DCLK2: variants seen among roughly 807,000 people sequenced by gnomAD.
DCLK2 encodes the protein doublecortin like kinase 2.
Under a neutral mutation model 78.4 loss-of-function variants are expected in DCLK2, and 31 were observed. The observed-to-expected ratio is 0.40, with a 90% CI of 0.30 to 0.53. The LOEUF is 0.53. DCLK2 is among the 20% of genes least tolerant of loss of function. The pLI is 0.61. For missense variants in DCLK2, 872 were observed against 973.7 expected (o/e 0.90, Z 1.39); for synonymous variants, 407 against 374.9 (o/e 1.09, Z -0.99).
chr4:150,174,042 T>G (rs1736749480), intron 2 of DCLK2, among the ~76,000 whole-genome samples: 1 of 152,154 alleles, frequency 6.6e-6, no homozygotes, highest in African/African-American at 2.4e-5. Context: ...TTGCTAACAG[T>G]AGCAGTCCTC....
At chr4:150,138,004 T>G (rs1733817682) in intron 2 of DCLK2, among the ~76,000 whole-genome samples, 1 of 152,198 alleles carries the variant, frequency 6.6e-6, no homozygotes, top group Admixed American at 6.5e-5. Flanking sequence ...ATAGAGAAAT[T>G]AGGTACTGTA....
intron 15 of DCLK2, among the ~76,000 whole-genome samples, chr4:150,252,706 T>A (rs1263968974): frequency 6.6e-6 from 1 of 152,220 alleles, no homozygotes; most frequent in Non-Finnish European, 1.5e-5. Flanking sequence ...GGTGTTTGTG[T>A]GAACAAACAA....
chr4:150,249,756 G>C, intron 15 of DCLK2, 72 bp downstream of exon 15: 1 of 1,253,298 alleles, frequency 8.0e-7, no homozygotes, highest in South Asian at 1.2e-5. Flanking sequence ...GTAGCCGGGA[G>C]CTGCCCTCAC....
At chr4:150,225,625 G>A (rs1741542737) in intron 8 of DCLK2, among the ~76,000 whole-genome samples, 2 of 152,104 alleles carry the variant, frequency 1.3e-5, no homozygotes, top group African/African-American at 4.8e-5. Context: ...AGATTTTGAA[G>A]ACTTAGTACT....
intron 2 of DCLK2, among the ~76,000 whole-genome samples, chr4:150,168,052 C>A (rs1277375979): frequency 2.0e-5 from 3 of 152,160 alleles, no homozygotes; most frequent in African/African-American, 7.2e-5. Flanking sequence ...ACGTGTAAAA[C>A]CCCAAGTCAG....
Position 150,079,338 on chromosome 4 carries a change from TAG to T in DCLK2, c.314_315del (p.Glu105AlafsTer37). 1.3e-6 allele frequency: 2 copies of T among 1,588,770 alleles called. No individual in the cohort carries two copies. Among genetic ancestry groups the T allele is most frequent in the Non-Finnish European group, 1.7e-6 (2 of 1,167,638 alleles). On this transcript the variant is annotated frameshift_variant, in exon 1 of 16. Coordinates refer to ENST00000296550, the MANE Select transcript of DCLK2 (RefSeq NM_001040260.4). LOFTEE classifies it high-confidence loss of function. ...TTCCGGTCCTTCGATGCGCTCCTCA[TAG>T]AGCTCACCCGCTCCCTGTCGGACAA...
chr4:150,121,050 A>C (rs539027359), intron 2 of DCLK2, among the ~76,000 whole-genome samples: 1 of 152,114 alleles, frequency 6.6e-6, no homozygotes, highest in African/African-American at 2.4e-5. Context: ...CAGCCTGGGC[A>C]ACAAGAGTGA....
intron 2 of DCLK2, among the ~76,000 whole-genome samples, chr4:150,136,943 A>G (rs1328196599): frequency 1.3e-5 from 2 of 150,694 alleles, no homozygotes; most frequent in African/African-American, 4.9e-5. Context: ...TAATTCCAAA[A>G]ATGTATTTAT....
intron 1 of DCLK2, among the ~76,000 whole-genome samples, chr4:150,089,204 T>G (rs1421693999): frequency 1.3e-5 from 2 of 152,242 alleles, no homozygotes; most frequent in African/African-American, 4.8e-5. Context: ...AACATCTGGT[T>G]TCTGAATTCT....
chr4:150,084,641 C>T (rs559465328), intron 1 of DCLK2, among the ~76,000 whole-genome samples: 1 of 152,142 alleles, frequency 6.6e-6, no homozygotes, highest in Non-Finnish European at 1.5e-5. Flanking sequence ...TAGAGTATGA[C>T]ACAGTGATAC....
intron 2 of DCLK2, among the ~76,000 whole-genome samples, chr4:150,141,851 C>T (rs1023622448): frequency 2.0e-5 from 3 of 152,144 alleles, no homozygotes; most frequent in African/African-American, 4.8e-5. Context: ...AATATTTCCT[C>T]ATGAGAGTAG....
intron 2 of DCLK2, among the ~76,000 whole-genome samples, chr4:150,187,913 G>T (rs922239200): frequency 2.0e-5 from 3 of 150,634 alleles, no homozygotes; most frequent in African/African-American, 4.9e-5. Context: ...GATTCCCCCT[G>T]CTTCAGCCTC....
At chr4:150,127,708 A>G (rs370843001) in intron 2 of DCLK2, among the ~76,000 whole-genome samples, 26 of 152,162 alleles carry the variant, frequency 1.7e-4, no homozygotes, top group East Asian at 1.5e-3. Context: ...GTGTGTGTCT[A>G]CAGACTCCTG....
chr4:150,148,381 CT>C (rs77831799), intron 2 of DCLK2, among the ~76,000 whole-genome samples: 42,983 of 136,730 alleles, frequency 0.31, 6,315 homozygotes, highest in East Asian at 0.37. Flanking sequence ...AAATTCATGT[CT>C]TTTTTTTTTT....
chr4:150,114,133 T>A (rs542718019), intron 2 of DCLK2, among the ~76,000 whole-genome samples: 21 of 152,338 alleles, frequency 1.4e-4, no homozygotes, highest in South Asian at 4.1e-4. Flanking sequence ...GATTTTTTTT[T>A]AATTTATTAA....
intron 2 of DCLK2, among the ~76,000 whole-genome samples, chr4:150,119,064 T>TAAC (rs1245195645): frequency 2.0e-5 from 3 of 151,152 alleles, no homozygotes; most frequent in Non-Finnish European, 4.4e-5. Context: ...ATAATAATAA[T>TAAC]AACAATTGTG....
At chr4:150,082,012 A>G (rs1053352110) in intron 1 of DCLK2, among the ~76,000 whole-genome samples, 84 of 151,684 alleles carry the variant, frequency 5.5e-4, no homozygotes, top group Non-Finnish European at 1.0e-3. Flanking sequence ...AAAAAAAAAA[A>G]AAGAAAAGAA....
intron 8 of DCLK2, among the ~76,000 whole-genome samples, chr4:150,228,099 G>C (rs1741751781): frequency 1.3e-5 from 2 of 152,052 alleles, no homozygotes; most frequent in Non-Finnish European, 2.9e-5. Context: ...CTTCTTCTCT[G>C]TCTGTGTGAA....
intron 2 of DCLK2, among the ~76,000 whole-genome samples, chr4:150,162,064 C>T (rs747402310): frequency 6.6e-6 from 1 of 151,988 alleles, no homozygotes; most frequent in Non-Finnish European, 1.5e-5. Context: ...AGGGTCTTGC[C>T]CTGTTGCCCA....
Sources: gnomAD v4.1 joint callset for allele counts (sites outside exome capture counted in the v4.1 genomes callset) on GRCh38, gnomAD v4.1.1 for gene constraint, MANE v1.5 for transcripts, NCBI Gene and HGNC (gene_info 2026-07-23, HGNC 2026-07-21) for gene names.